TBC1D14: variants seen among roughly 807,000 people sequenced by gnomAD.
The protein encoded by TBC1D14 is TBC1 domain family member 14.
Under a neutral mutation model 79.0 loss-of-function variants are expected in TBC1D14, and 26 were observed. That is an observed-to-expected ratio of 0.33 (90% confidence interval 0.24 to 0.46). The LOEUF is 0.46. TBC1D14 is among the 20% of genes least tolerant of loss of function. The probability of loss-of-function intolerance (pLI) is 1.00; values close to 1 mark genes in which losing one functional copy is unlikely to be tolerated. For missense variants in TBC1D14, 769 were observed against 887.6 expected (o/e 0.87, Z 1.70); for synonymous variants, 394 against 349.9 (o/e 1.13, Z -1.40).
intron 1 of TBC1D14, among the ~76,000 whole-genome samples, chr4:6,920,013 CAAG>C (rs1723723453): frequency 1.3e-5 from 2 of 151,574 alleles, no homozygotes; most frequent in Non-Finnish European, 2.9e-5. Flanking sequence ...CTCCTGGGCT[CAAG>C]AGATCTCCCT....
At position 6,935,283 on chromosome 4, in the gene TBC1D14, G is replaced by A. The variant is rs150621582; in HGVS notation, c.722+11172G>A. On this transcript the variant is annotated intron_variant, in intron 2 of 13. Transcript: ENST00000409757. Reference sequence around the variant, plus strand: ...AATACAGGGTTTTGTTTGTTTGTTTGTTTGTTTTTAATTTGAAAACAACCT... The same window carrying A: ...AATACAGGGTTTTGTTTGTTTGTTTATTTGTTTTTAATTTGAAAACAACCT... 8.4e-3 allele frequency among the ~76,000 whole-genome samples: 1,269 copies of A among 151,580 alleles called. 31 individuals are homozygous for A. Among genetic ancestry groups the A allele is most frequent in the Non-Finnish European group, 7.1e-3 (483 of 67,818 alleles).
At position 6,909,836 on chromosome 4, in the gene TBC1D14, C is replaced by G. The variant is rs1012180155; in HGVS notation, c.-133C>G. 6.7e-6 allele frequency: 1 copy of G among 148,270 alleles called. No homozygotes were observed. The highest frequency in any genetic ancestry group is 2.1e-4 in the South Asian group (1 of 4,830). 9.2% of individuals were successfully genotyped at this position (148,270 alleles called of 1,614,324 possible). A position where few individuals can be genotyped will look rare whatever the true frequency, so the allele number is the denominator to read the frequency against. The stretch of plus-strand genomic sequence containing the variant: ...GGGCTGCTCGCGCGCACCTGCGGGT[C>G]GGACCCGCTGCCTACCGCGTGCCCG... On this transcript the variant is annotated 5_prime_UTR_variant, in exon 1 of 14. Transcript: ENST00000409757.
rs1260845915 is a variant in TBC1D14 at position 6,994,231 on chromosome 4, G to A, written c.891G>A (p.Lys297=). ...AGRPSKPPSP[K]QNVRKNLDFE... is the part of the protein sequence containing the mutation. ...GACCTAGCAAGCCACCCTCTCCAAA[G>A]CAGAATGTGAGGAAGAATCTTGACT... Residue 297 remains lysine (K), a synonymous_variant, in exon 4 of 14, where the codon AAG becomes AAA. Coordinates refer to ENST00000409757, the MANE Select transcript of TBC1D14 (RefSeq NM_020773.3). 1 of 1,614,208 alleles carries A rather than the reference G, an allele frequency of 6.2e-7. No homozygotes were observed. The highest frequency in any genetic ancestry group is 8.5e-7 in the Non-Finnish European group (1 of 1,180,034).
At chr4:6,937,000 C>G (rs142053039) in intron 2 of TBC1D14, among the ~76,000 whole-genome samples, 77 of 152,330 alleles carry the variant, frequency 5.1e-4, no homozygotes, top group African/African-American at 1.7e-3. Flanking sequence ...TCACCGCAAC[C>G]TCCGCCTTCC....
chr4:6,996,021 T>TAG (rs1719005339), intron 4 of TBC1D14, among the ~76,000 whole-genome samples: 1 of 148,916 alleles, frequency 6.7e-6, no homozygotes, highest in Non-Finnish European at 1.5e-5. Flanking sequence ...TATTTTTTAG[T>TAG]AGAGACGGGT....
At chr4:6,931,909 A>G (rs1711784109) in intron 2 of TBC1D14, among the ~76,000 whole-genome samples, 1 of 152,000 alleles carries the variant, frequency 6.6e-6, no homozygotes, top group African/African-American at 2.4e-5. Context: ...TGGTAAACAC[A>G]GTGAGTAGAT....
chr4:6,922,527 A>G (rs1331164223), intron 1 of TBC1D14, among the ~76,000 whole-genome samples: 1 of 152,194 alleles, frequency 6.6e-6, no homozygotes, highest in African/African-American at 2.4e-5. Flanking sequence ...TACTACACCC[A>G]GCCTCGTAGA....
chr4:7,012,299 CTCAA>C (rs1720859801), intron 11 of TBC1D14, among the ~76,000 whole-genome samples: 1 of 90,958 alleles, frequency 1.1e-5, no homozygotes, highest in African/African-American at 4.6e-5. Flanking sequence ...GAGACCCCAT[CTCAA>C]AAAAAAAAAA....
At chr4:6,919,689 C>T (rs546299713) in intron 1 of TBC1D14, among the ~76,000 whole-genome samples, 7 of 151,594 alleles carry the variant, frequency 4.6e-5, no homozygotes, top group Admixed American at 2.0e-4. Flanking sequence ...GGTGCTATCT[C>T]GGCTCACTGC....
intron 2 of TBC1D14, among the ~76,000 whole-genome samples, chr4:6,927,708 C>T (rs990978701): frequency 3.3e-5 from 5 of 152,052 alleles, no homozygotes; most frequent in East Asian, 1.9e-4. Context: ...TCCCTGGCTC[C>T]GACCCACGGG....
chr4:7,002,403 T>C (rs981389088), intron 7 of TBC1D14, among the ~76,000 whole-genome samples: 1 of 152,230 alleles, frequency 6.6e-6, no homozygotes, highest in Non-Finnish European at 1.5e-5. Context: ...GTACCTTGTG[T>C]GTGTGTTTAA....
intron 3 of TBC1D14, among the ~76,000 whole-genome samples, chr4:6,976,452 T>C (rs1716719221): frequency 6.6e-6 from 1 of 152,218 alleles, no homozygotes; most frequent in South Asian, 2.1e-4. Context: ...GTCATACTTA[T>C]TGGGGAATAA....
chr4:7,005,476 A>C (rs1023199037), intron 8 of TBC1D14, among the ~76,000 whole-genome samples: 1 of 152,202 alleles, frequency 6.6e-6, no homozygotes, highest in South Asian at 2.1e-4. Context: ...TGGAGGTTGC[A>C]GGGAGCCAAG....
Position 6,974,091 on chromosome 4 carries a change from T to C in TBC1D14, c.843+6667T>C, listed in dbSNP as rs549424051. ...CACCTGCCTTGGCCTCCCAGAGTGC[T>C]GGGATTACAGACATGAGCCGCTGGG... On this transcript the variant is annotated intron_variant, in intron 3 of 13. Transcript: ENST00000409757. 2.5e-3 allele frequency among the ~76,000 whole-genome samples: 379 copies of C among 151,932 alleles called. 1 individual carries two copies. The highest frequency in any genetic ancestry group is 8.6e-3 in the African/African-American group (356 of 41,326).
intron 12 of TBC1D14, among the ~76,000 whole-genome samples, chr4:7,021,361 G>T (rs1388123795): frequency 6.6e-6 from 1 of 152,214 alleles, no homozygotes. Flanking sequence ...ACTTTGAGAG[G>T]CTGAGGTGAC....
intron 1 of TBC1D14, among the ~76,000 whole-genome samples, chr4:6,921,408 G>A (rs1723848915): frequency 6.6e-6 from 1 of 151,962 alleles, no homozygotes; most frequent in African/African-American, 2.4e-5. Flanking sequence ...GTCTCCCATT[G>A]TTGCCGAGGC....
At chr4:6,935,082 A>G (rs1370078146) in intron 2 of TBC1D14, among the ~76,000 whole-genome samples, 1 of 152,160 alleles carries the variant, frequency 6.6e-6, no homozygotes, top group Admixed American at 6.5e-5. Flanking sequence ...TGATCGCGCC[A>G]CTGCATTCCA....
chr4:6,972,937 G>C (rs1026637294), intron 3 of TBC1D14, among the ~76,000 whole-genome samples: 3 of 152,182 alleles, frequency 2.0e-5, no homozygotes, highest in Admixed American at 2.0e-4. Flanking sequence ...CAACAGACTC[G>C]GTAACTCTTT....
chr4:6,986,989 T>G (rs1717899099), intron 3 of TBC1D14, among the ~76,000 whole-genome samples: 1 of 152,206 alleles, frequency 6.6e-6, no homozygotes, highest in Non-Finnish European at 1.5e-5. Flanking sequence ...AGCTCTCGGG[T>G]GATCTTTAAG....
Sources: allele counts gnomAD v4.1 joint callset (sites outside exome capture counted in the v4.1 genomes callset), GRCh38; gene constraint gnomAD v4.1.1; transcripts MANE v1.5; gene names NCBI Gene and HGNC (gene_info 2026-07-23, HGNC 2026-07-21).